PRRC1: variants seen among roughly 807,000 people sequenced by gnomAD.
The protein encoded by PRRC1 is protein PRRC1.
In PRRC1, 39 loss-of-function variants were observed where a neutral mutation model predicts 40.7. The ratio of observed to expected loss-of-function variants is 0.96; its 90% CI spans 0.74 to 1.25. The LOEUF is 1.25. Ranked by LOEUF, PRRC1 falls within the 50% of genes most tolerant of loss-of-function variation. The pLI is 0.00. For synonymous variants in PRRC1, 175 were observed against 193.3 expected, an observed-to-expected ratio of 0.91 and a Z score of 0.79; for missense variants, 573 against 548.3, an observed-to-expected ratio of 1.05 and a Z score of -0.45.
chr5:127,552,361 GCA>G lies in PRRC1; in HGVS notation c.*449_*450del. 2 of 1,010,732 alleles carry G rather than the reference GCA, an allele frequency of 2.0e-6. No individual in the cohort carries two copies. The highest frequency in any genetic ancestry group is 8.1e-5 in the South Asian group (2 of 24,572). 62.6% of individuals were successfully genotyped at this position (1,010,732 alleles called of 1,614,324 possible). The stretch of plus-strand genomic sequence containing the variant: ...TCAGTCTTTGACTACTTTTGTATGT[GCA>G]CACGATCTCAGGGCTGGTGCTGAGC... On this transcript the variant is annotated 3_prime_UTR_variant, in exon 9 of 9. Transcript: ENST00000296666.
intron 7 of PRRC1, among the ~76,000 whole-genome samples, chr5:127,540,855 A>C (rs1173070682): frequency 6.6e-6 from 1 of 151,958 alleles, no homozygotes; most frequent in Non-Finnish European, 1.5e-5. Flanking sequence ...CCTTTGTTAG[A>C]TGAATATGTT....
At chr5:127,526,050 C>T (rs563789923) in intron 3 of PRRC1, among the ~76,000 whole-genome samples, 1 of 152,236 alleles carries the variant, frequency 6.6e-6, no homozygotes, top group Admixed American at 6.5e-5. Flanking sequence ...ATAATTGTTG[C>T]AAATGAGTTA....
intron 7 of PRRC1, among the ~76,000 whole-genome samples, chr5:127,539,978 A>T (rs1767997947): frequency 6.6e-6 from 1 of 152,096 alleles, no homozygotes; most frequent in Non-Finnish European, 1.5e-5. Context: ...TTAGGGCTTG[A>T]ACTGGATTTT....
intron 7 of PRRC1, 133 bp downstream of exon 7, chr5:127,539,276 A>T: frequency 1.6e-6 from 1 of 624,826 alleles, no homozygotes; most frequent in Admixed American, 2.7e-5. Context: ...TATATCACTT[A>T]ACTAGCTGTG....
At position 127,524,518 on chromosome 5, in the gene PRRC1, C is replaced by T; in HGVS notation, c.104-13C>T. Reference sequence around the variant, plus strand: ...TCTAATTCTGTGCTTTTATCCTCTCCACTTTTTTCTAGCGGCAACCAGTTC... The same window carrying T: ...TCTAATTCTGTGCTTTTATCCTCTCTACTTTTTTCTAGCGGCAACCAGTTC... On this transcript the variant is annotated splice_polypyrimidine_tract_variant and intron_variant, in intron 2 of 8. Coordinates refer to ENST00000296666, the MANE Select transcript of PRRC1 (RefSeq NM_130809.5). 6.3e-7 allele frequency: 1 copy of T among 1,585,596 alleles called. No individual in the cohort carries two copies. The highest frequency in any genetic ancestry group is 8.6e-7 in the Non-Finnish European group (1 of 1,163,762).
intron 8 of PRRC1, chr5:127,548,262 ACATTT>A: frequency 2.1e-6 from 1 of 466,298 alleles, no homozygotes; most frequent in Non-Finnish European, 3.8e-6. Context: ...CTTTTATCTC[ACATTT>A]CATTTCCACT....
In PRRC1 at chr5:127,551,965, T is replaced by C; in HGVS notation, c.*49T>C. 1 of 1,609,994 alleles carries C rather than the reference T, an allele frequency of 6.2e-7. No homozygotes were observed. On this transcript the variant is annotated 3_prime_UTR_variant, in exon 9 of 9. Transcript: ENST00000296666. ...AGACTTTCCCCCACTTTTAGCTTGA[T>C]GTTAAAGAAGTGGTTGTACCTTCCT...
chr5:127,537,229 A>G (rs1200336771), intron 6 of PRRC1, among the ~76,000 whole-genome samples: 2 of 151,920 alleles, frequency 1.3e-5, no homozygotes, highest in Admixed American at 6.6e-5. Flanking sequence ...CAAGTTGCTT[A>G]GTATAAGCTC....
intron 6 of PRRC1, among the ~76,000 whole-genome samples, chr5:127,534,307 C>A (rs898060673): frequency 3.3e-5 from 5 of 152,060 alleles, no homozygotes; most frequent in East Asian, 1.9e-4. Flanking sequence ...GAAACCCCAA[C>A]AAATTCTTTG....
At chr5:127,547,158 GGTTAGCT>G (rs1768249481) in intron 7 of PRRC1, among the ~76,000 whole-genome samples, 1 of 151,732 alleles carries the variant, frequency 6.6e-6, no homozygotes, top group African/African-American at 2.4e-5. Flanking sequence ...TCATGATTTG[GGTTAGCT>G]AAAATTTGGG....
chr5:127,526,553 CT>C lies in PRRC1; in HGVS notation c.494-64del, dbSNP rs1191611979. 5.3e-6 allele frequency: 7 copies of C among 1,318,268 alleles called. No homozygotes were observed. The African/African-American group carries it at 1.0e-4, about 20-fold the overall frequency. The allele number at this position is 1,318,268 out of a possible 1,614,324, so 81.7% of individuals were successfully genotyped here. ...ATTAATATTAAAGTTGTTTGAGCCA[CT>C]CCTTTTTATAGGAAAAAGTTTATGG... On this transcript the variant is annotated intron_variant, in intron 3 of 8. Coordinates refer to ENST00000296666, the MANE Select transcript of PRRC1 (RefSeq NM_130809.5).
At chr5:127,536,026 C>T (rs1029846903) in intron 6 of PRRC1, among the ~76,000 whole-genome samples, 5 of 152,140 alleles carry the variant, frequency 3.3e-5, no homozygotes, top group Admixed American at 1.3e-4. Flanking sequence ...AGTAGTTATA[C>T]CCTATCTAAA....
Position 127,553,109 on chromosome 5 carries a change from A to G in PRRC1, c.*1193A>G, listed in dbSNP as rs1768436875. The G allele has an allele frequency of 1.1e-6, 1 of 908,618 alleles. No homozygotes were observed. 56.3% of individuals were successfully genotyped at this position (908,618 alleles called of 1,614,324 possible). On this transcript the variant is annotated 3_prime_UTR_variant, in exon 9 of 9. Coordinates refer to ENST00000296666, the MANE Select transcript of PRRC1 (RefSeq NM_130809.5). The stretch of plus-strand genomic sequence containing the variant: ...AACTTTTTCGAAGATAGTTTCTTAT[A>G]TAAATGTAATTTAATTTTTTTACTC...
intron 6 of PRRC1, among the ~76,000 whole-genome samples, chr5:127,538,757 A>G (rs1050336481): frequency 6.6e-6 from 1 of 152,108 alleles, no homozygotes; most frequent in Non-Finnish European, 1.5e-5. Context: ...ATTTAACAGT[A>G]ACAATCAATG....
At chr5:127,537,362 A>T (rs1767926670) in intron 6 of PRRC1, among the ~76,000 whole-genome samples, 2 of 151,822 alleles carry the variant, frequency 1.3e-5, no homozygotes, top group Admixed American at 6.6e-5. Context: ...ATTGGTAGGG[A>T]CTAATATTAA....
intron 1 of PRRC1, among the ~76,000 whole-genome samples, chr5:127,519,920 CTT>C (rs1382842167): frequency 6.6e-6 from 1 of 152,202 alleles, no homozygotes; most frequent in African/African-American, 2.4e-5. Flanking sequence ...TGTTTCCTAT[CTT>C]TGTGCATGGC....
intron 6 of PRRC1, among the ~76,000 whole-genome samples, chr5:127,537,467 C>G (rs774381035): frequency 6.6e-6 from 1 of 151,804 alleles, no homozygotes; most frequent in Non-Finnish European, 1.5e-5. Flanking sequence ...TTTTCATTTT[C>G]TTATGGATTT....
rs1768408073 is a variant in PRRC1, at chr5:127,552,118, C to G, written c.*202C>G. ...GAAACAAATCCTTTTTATAGTCATA[C>G]CATTTCACCTATCATAGTACTCAAA... On this transcript the variant is annotated 3_prime_UTR_variant, in exon 9 of 9. Transcript: ENST00000296666. 7.2e-7 allele frequency: 1 copy of G among 1,391,032 alleles called. No individual in the cohort carries two copies. Among genetic ancestry groups the G allele is most frequent in the Admixed American group, 3.0e-5 (1 of 32,870 alleles). 86.2% of individuals were successfully genotyped at this position (1,391,032 alleles called of 1,614,324 possible).
chr5:127,544,687 G>T (rs1768161286), intron 7 of PRRC1, among the ~76,000 whole-genome samples: 1 of 152,256 alleles, frequency 6.6e-6, no homozygotes, highest in African/African-American at 2.4e-5. Flanking sequence ...TCTGAACCAG[G>T]TGCGGGATAT....
Sources: gnomAD v4.1 joint callset for allele counts (sites outside exome capture counted in the v4.1 genomes callset) on GRCh38, gnomAD v4.1.1 for gene constraint, MANE v1.5 for transcripts, NCBI Gene and HGNC (gene_info 2026-07-23, HGNC 2026-07-21) for gene names.